Variants in PDZD2 observed in about 807,000 individuals in gnomAD.
PDZD2 encodes PDZ domain containing 2.
In PDZD2, 90 loss-of-function variants were observed where a neutral mutation model predicts 220.7. That is an observed-to-expected ratio of 0.41 (90% CI 0.34 to 0.49). The LOEUF (loss-of-function observed/expected upper bound fraction) is 0.49. PDZD2 is among the 20% of genes least tolerant of loss of function. The pLI is 0.28. For synonymous variants in PDZD2, 1,375 were observed against 1,450.5 expected (o/e 0.95, Z 1.18); for missense variants, 3,174 against 3,608.5 (o/e 0.88, Z 3.08).
intron 1 of PDZD2, among the ~76,000 whole-genome samples, chr5:31,741,360 AT>A (rs1554069109): frequency 0.034 from 4,828 of 141,150 alleles, 134 homozygotes; most frequent in South Asian, 0.074. Flanking sequence ...TAAAGCCAAG[AT>A]TTTTTTTTTT....
intron 2 of PDZD2, among the ~76,000 whole-genome samples, chr5:31,946,066 G>A (rs1005538127): frequency 6.6e-6 from 1 of 152,108 alleles, no homozygotes; most frequent in Non-Finnish European, 1.5e-5. Flanking sequence ...GCAGTGGCAC[G>A]ATCCCGGCGC....
intron 2 of PDZD2, among the ~76,000 whole-genome samples, chr5:31,853,046 G>C (rs546233091): frequency 6.6e-6 from 1 of 152,274 alleles, no homozygotes; most frequent in East Asian, 1.9e-4. Flanking sequence ...ATTATTATTA[G>C]AAAATTATTC....
chr5:31,876,374 C>T (rs1286633755), intron 2 of PDZD2, among the ~76,000 whole-genome samples: 2 of 151,584 alleles, frequency 1.3e-5, no homozygotes, highest in African/African-American at 2.4e-5. Context: ...CTCATTGCAA[C>T]CTCTGCCTCT....
chr5:31,992,003 A>G (rs1486465564), intron 3 of PDZD2, among the ~76,000 whole-genome samples: 5 of 152,212 alleles, frequency 3.3e-5, no homozygotes, highest in African/African-American at 1.2e-4. Flanking sequence ...ATTGCACTTC[A>G]GCCTAGGTGA....
At chr5:31,748,337 A>G (rs77527351) in intron 1 of PDZD2, among the ~76,000 whole-genome samples, 2,338 of 152,346 alleles carry the variant, frequency 0.015, 57 homozygotes, top group South Asian at 0.069. Context: ...CTTGCTCACA[A>G]ATTATTTGTA....
intron 2 of PDZD2, among the ~76,000 whole-genome samples, chr5:31,955,683 C>CTTTTTTTT (rs34964306): frequency 1.7e-4 from 20 of 116,832 alleles, no homozygotes; most frequent in Non-Finnish European, 2.5e-4. Context: ...GGGCTCTGTT[C>CTTTTTTTT]TTTTTTTTTT....
intron 2 of PDZD2, among the ~76,000 whole-genome samples, chr5:31,888,104 T>TTGCC (rs1274872114): frequency 3.3e-5 from 5 of 152,170 alleles, no homozygotes; most frequent in African/African-American, 7.2e-5. Context: ...CATAGAAGCT[T>TTGCC]TGCCTGCCTG....
At position 32,077,615 on chromosome 5, in the gene PDZD2, A is replaced by C; in HGVS notation, c.3682+9A>C. ...GCAACAACCCATGACTGGTAAGATT[A>C]TTTTCCCATTTGTTAATCTTAAAGT... On this transcript the variant is annotated intron_variant, in intron 19 of 24. Transcript: ENST00000438447. 1 of 1,613,786 alleles carries C rather than the reference A, an allele frequency of 6.2e-7. No homozygotes were observed. Among genetic ancestry groups the C allele is most frequent in the Non-Finnish European group, 8.5e-7 (1 of 1,179,844 alleles).
intron 2 of PDZD2, among the ~76,000 whole-genome samples, chr5:31,944,743 G>C (rs199507740): frequency 6.6e-6 from 1 of 152,218 alleles, no homozygotes; most frequent in Non-Finnish European, 1.5e-5. Flanking sequence ...GCGTGTGCAC[G>C]TGTGTCCCCA....
chr5:32,048,166 C>A (rs1561445134), intron 7 of PDZD2, among the ~76,000 whole-genome samples: 1 of 152,182 alleles, frequency 6.6e-6, no homozygotes, highest in Non-Finnish European at 1.5e-5. Context: ...TCTGCACCAA[C>A]AATGAAACTA....
intron 1 of PDZD2, among the ~76,000 whole-genome samples, chr5:31,778,118 G>A (rs1752817655): frequency 6.6e-6 from 1 of 152,092 alleles, no homozygotes; most frequent in Non-Finnish European, 1.5e-5. Flanking sequence ...TGGGGACTTG[G>A]GGAACTTTTA....
chr5:31,895,039 G>A (rs1200576737), intron 2 of PDZD2, among the ~76,000 whole-genome samples: 3 of 152,006 alleles, frequency 2.0e-5, no homozygotes, highest in African/African-American at 4.8e-5. Context: ...ACAGGCACCC[G>A]CCACCACGCC....
chr5:32,054,761 TTAAA>T (rs1738945491), intron 10 of PDZD2, among the ~76,000 whole-genome samples: 1 of 152,264 alleles, frequency 6.6e-6, no homozygotes, highest in South Asian at 2.1e-4. Context: ...TTTTTAATGT[TTAAA>T]TATATCATTT....
chr5:32,009,688 C>T (rs2112075961), intron 5 of PDZD2, among the ~76,000 whole-genome samples: 1 of 151,830 alleles, frequency 6.6e-6, no homozygotes, highest in East Asian at 1.9e-4. Context: ...GCTATGATTG[C>T]ACCACTGCAC....
At chr5:32,053,314 A>T (rs948115188) in intron 9 of PDZD2, among the ~76,000 whole-genome samples, 1 of 152,256 alleles carries the variant, frequency 6.6e-6, no homozygotes, top group East Asian at 1.9e-4. Flanking sequence ...AAAGGAAATG[A>T]TATGAATAAC....
chr5:31,697,788 C>T (rs1234504780), intron 1 of PDZD2, among the ~76,000 whole-genome samples: 2 of 152,164 alleles, frequency 1.3e-5, no homozygotes, highest in Admixed American at 6.5e-5. Flanking sequence ...CAAGAAGCCA[C>T]GAGACCTTTG....
intron 1 of PDZD2, among the ~76,000 whole-genome samples, chr5:31,662,140 G>A (rs1471159899): frequency 2.6e-5 from 4 of 151,738 alleles, no homozygotes; most frequent in African/African-American, 4.8e-5. Context: ...GTGAAACCCC[G>A]TCTCTACTAA....
intron 1 of PDZD2, among the ~76,000 whole-genome samples, chr5:31,689,239 T>TTGTG (rs70955736): frequency 0.015 from 2,067 of 140,020 alleles, 35 homozygotes; most frequent in African/African-American, 0.034. Flanking sequence ...TGGCTAATGT[T>TTGTG]TGTGTGTGTG....
At chr5:32,033,437 T>C (rs940171540) in intron 6 of PDZD2, among the ~76,000 whole-genome samples, 1 of 152,206 alleles carries the variant, frequency 6.6e-6, no homozygotes, top group African/African-American at 2.4e-5. Context: ...TTTTTTGTTA[T>C]AAGAGGAAAC....
Sources: gnomAD v4.1 joint callset for allele counts (sites outside exome capture counted in the v4.1 genomes callset) on GRCh38, gnomAD v4.1.1 for gene constraint, MANE v1.5 for transcripts, NCBI Gene and HGNC (gene_info 2026-07-23, HGNC 2026-07-21) for gene names.